Variants in RNF150 observed in about 807,000 individuals in gnomAD.
The protein encoded by RNF150 is ring finger protein 150.
A neutral mutation model predicts 39.3 loss-of-function variants in RNF150; 24 were observed. That is an observed-to-expected ratio of 0.61 (90% CI 0.44 to 0.86). The LOEUF (loss-of-function observed/expected upper bound fraction) is 0.86. Ranked by LOEUF, RNF150 falls within the 40% of genes least tolerant of loss-of-function variation. The probability of loss-of-function intolerance (pLI) is 0.00; values close to 1 mark genes in which losing one functional copy is unlikely to be tolerated. For synonymous variants in RNF150, 255 were observed against 227.3 expected (o/e 1.12, Z -1.10); for missense variants, 502 against 587.8 (o/e 0.85, Z 1.51).
chr4:140,940,946 C>A (rs1732059703), intron 4 of RNF150, among the ~76,000 whole-genome samples: 1 of 152,150 alleles, frequency 6.6e-6, no homozygotes, highest in Admixed American at 6.5e-5. Context: ...CTCTTGAATT[C>A]TTTCCTGAGT....
At chr4:141,205,643 C>T (rs1728362867) in intron 1 of RNF150, among the ~76,000 whole-genome samples, 1 of 152,128 alleles carries the variant, frequency 6.6e-6, no homozygotes, top group Non-Finnish European at 1.5e-5. Flanking sequence ...GCAGGGAATA[C>T]ACTTTATCCC....
At chr4:141,007,640 A>T (rs73860246) in intron 1 of RNF150, among the ~76,000 whole-genome samples, 11,547 of 152,284 alleles carry the variant, frequency 0.076, 495 homozygotes, top group Middle Eastern at 0.16. Flanking sequence ...AACTATTTCA[A>T]CAAAGTAAAG....
intron 1 of RNF150, among the ~76,000 whole-genome samples, chr4:141,125,594 C>A (rs1441612973): frequency 1.3e-5 from 2 of 152,048 alleles, no homozygotes; most frequent in Admixed American, 6.6e-5. Context: ...GCTTAATGTC[C>A]AGAAATGCAA....
intron 4 of RNF150, among the ~76,000 whole-genome samples, chr4:140,945,901 T>C (rs1732290975): frequency 6.6e-6 from 1 of 152,130 alleles, no homozygotes; most frequent in African/African-American, 2.4e-5. Flanking sequence ...TTTGCTTATA[T>C]CTAAGAGGCT....
chr4:141,171,460 AAGAGAG>A (rs67118049), intron 1 of RNF150, among the ~76,000 whole-genome samples: 10,210 of 148,438 alleles, frequency 0.069, 916 homozygotes, highest in African/African-American at 0.22. Flanking sequence ...GACAGACAGA[AAGAGAG>A]AGAGAGAGAG....
intron 1 of RNF150, among the ~76,000 whole-genome samples, chr4:141,158,203 G>C (rs1422068745): frequency 1.3e-5 from 2 of 152,102 alleles, no homozygotes; most frequent in East Asian, 3.9e-4. Flanking sequence ...AGGTAGGAGA[G>C]TCACTTGAAC....
At chr4:141,004,154 C>T (rs929632031) in intron 1 of RNF150, among the ~76,000 whole-genome samples, 12 of 151,062 alleles carry the variant, frequency 7.9e-5, no homozygotes, top group African/African-American at 9.8e-5. Context: ...GCTACAATGG[C>T]GAACAACAAC....
intron 1 of RNF150, among the ~76,000 whole-genome samples, chr4:141,100,795 T>C (rs1050680527): frequency 6.6e-5 from 10 of 152,188 alleles, no homozygotes; most frequent in African/African-American, 2.2e-4. Context: ...ATCTAGACTA[T>C]ATGGTATTGC....
Position 141,151,719 on chromosome 4 carries a change from T to C in RNF150, c.-6+61075A>G, listed in dbSNP as rs537736233. Among the ~76,000 whole-genome samples the C allele has an allele frequency of 2.2e-4, 33 of 152,262 alleles. 1 individual carries two copies. The highest frequency in any genetic ancestry group is 1.6e-3 in the Admixed American group (25 of 15,278). The stretch of plus-strand genomic sequence containing the variant: ...TAAAAAAATATTATTTTGTGGCTTC[T>C]TGTTTGGCAGGGTTTTTGAATTCTA... On this transcript the variant is annotated intron_variant, in intron 1 of 7. Transcript: ENST00000420921.
chr4:141,076,841 T>C (rs1190865989), intron 1 of RNF150, among the ~76,000 whole-genome samples: 1 of 152,190 alleles, frequency 6.6e-6, no homozygotes, highest in Non-Finnish European at 1.5e-5. Context: ...TTTTAAAATA[T>C]TTAATATATT....
intron 5 of RNF150, among the ~76,000 whole-genome samples, chr4:140,918,097 C>A (rs1370663542): frequency 1.3e-5 from 2 of 151,798 alleles, no homozygotes; most frequent in African/African-American, 4.8e-5. Context: ...CAGGCAAGAT[C>A]CAAAATTGAC....
chr4:140,946,590 GATCCTCCC>G (rs1732321297), intron 4 of RNF150, among the ~76,000 whole-genome samples: 1 of 152,072 alleles, frequency 6.6e-6, no homozygotes, highest in Non-Finnish European at 1.5e-5. Context: ...GGGCTCAAGG[GATCCTCCC>G]AGCTCATCCT....
At chr4:141,103,840 G>T (rs1739103463) in intron 1 of RNF150, among the ~76,000 whole-genome samples, 1 of 152,102 alleles carries the variant, frequency 6.6e-6, no homozygotes, top group East Asian at 1.9e-4. Flanking sequence ...AGTTTTAGAG[G>T]TCAAATTCTG....
intron 1 of RNF150, among the ~76,000 whole-genome samples, chr4:141,110,833 T>C (rs1739363007): frequency 6.6e-6 from 1 of 152,020 alleles, no homozygotes; most frequent in Non-Finnish European, 1.5e-5. Flanking sequence ...ACTAGTAACC[T>C]AAAAAAGGTA....
At chr4:140,898,279 A>T (rs1284364827) in intron 6 of RNF150, among the ~76,000 whole-genome samples, 7 of 148,210 alleles carry the variant, frequency 4.7e-5, no homozygotes, top group South Asian at 2.1e-4. Flanking sequence ...TGATGCACAC[A>T]TTTTTTTTTT....
chr4:141,119,829 G>A (rs62324903), intron 1 of RNF150, among the ~76,000 whole-genome samples: 24 of 152,294 alleles, frequency 1.6e-4, no homozygotes, highest in Non-Finnish European at 2.6e-4. Context: ...GTTAAAGTCA[G>A]GTTAGCGAGT....
At chr4:140,900,039 G>T (rs1355959412) in intron 6 of RNF150, among the ~76,000 whole-genome samples, 1 of 149,770 alleles carries the variant, frequency 6.7e-6, no homozygotes, top group Non-Finnish European at 1.5e-5. Context: ...TTAGTTTGGT[G>T]CAAAAGAAAT....
At chr4:141,007,880 AG>A (rs907621774) in intron 1 of RNF150, among the ~76,000 whole-genome samples, 2 of 152,338 alleles carry the variant, frequency 1.3e-5, no homozygotes, top group African/African-American at 2.4e-5. Flanking sequence ...CCCTGCATGA[AG>A]GGTTCTCCAA....
At chr4:141,155,245 C>T (rs1371736619) in intron 1 of RNF150, among the ~76,000 whole-genome samples, 3 of 140,578 alleles carry the variant, frequency 2.1e-5, no homozygotes, top group Non-Finnish European at 3.0e-5. Context: ...ACCACCACAC[C>T]CGGCTGATTT....
Sources: gnomAD v4.1 joint callset for allele counts (sites outside exome capture counted in the v4.1 genomes callset) on GRCh38, gnomAD v4.1.1 for gene constraint, MANE v1.5 for transcripts, NCBI Gene and HGNC (gene_info 2026-07-23, HGNC 2026-07-21) for gene names.